COL27A1: variants seen among roughly 807,000 people sequenced by gnomAD.
COL27A1 encodes the protein collagen type XXVII alpha 1 chain.
COL27A1 carries 106 observed loss-of-function variants against 251.3 expected under a neutral mutation model. That is an observed-to-expected ratio of 0.42 (90% CI 0.36 to 0.50). The LOEUF (loss-of-function observed/expected upper bound fraction) is 0.50, where lower values mean the gene tolerates loss of function less well. COL27A1 is among the 20% of genes least tolerant of loss of function. COL27A1 has a pLI of 0.00. For synonymous variants in COL27A1, 1,000 were observed against 986.3 expected (o/e 1.01, Z -0.26); for missense variants, 2,325 against 2,522.8 (o/e 0.92, Z 1.68).
intron 10 of COL27A1, among the ~76,000 whole-genome samples, chr9:114,206,635 G>GTCGAATC (rs1405240228): frequency 6.6e-6 from 1 of 152,188 alleles, no homozygotes; most frequent in Non-Finnish European, 1.5e-5. Flanking sequence ...ATTGCCTGTC[G>GTCGAATC]TCGAATCTTC....
chr9:114,235,767 GC>G (rs1338280201), intron 17 of COL27A1, 115 bp downstream of exon 17: 4 of 780,820 alleles, frequency 5.1e-6, no homozygotes, highest in African/African-American at 5.1e-5. Context: ...TAAGACGGCT[GC>G]CCTCGAAATA....
chr9:114,222,709 T>C (rs1333200469), intron 14 of COL27A1, among the ~76,000 whole-genome samples: 2 of 151,996 alleles, frequency 1.3e-5, no homozygotes, highest in Admixed American at 6.5e-5. Context: ...GGGTGGTCTT[T>C]TGCACTCTTT....
At chr9:114,178,216 G>A in intron 3 of COL27A1, 75 bp from the exon 4 acceptor site, 1 of 1,281,926 alleles carries the variant, frequency 7.8e-7, no homozygotes, top group Non-Finnish European at 1.1e-6. Context: ...AGGCGGGATT[G>A]TTGAATGACT....
chr9:114,304,060 A>G (rs1467916597), intron 56 of COL27A1, among the ~76,000 whole-genome samples: 2 of 152,214 alleles, frequency 1.3e-5, no homozygotes, highest in African/African-American at 4.8e-5. Context: ...GCCTCTAACC[A>G]CCAGATACAA....
chr9:114,180,458 T>C lies in COL27A1; in HGVS notation c.1962+2114T>C, dbSNP rs534404285. On this transcript the variant is annotated intron_variant, in intron 4 of 60. Coordinates refer to ENST00000356083, the MANE Select transcript of COL27A1 (RefSeq NM_032888.4). ...TGGGTGAATGACTCTCCTGACACGC[T>C]TCTAGGCTCTTTGCCTGCACGCCAC... Among the ~76,000 whole-genome samples the C allele has an allele frequency of 3.0e-3, 454 of 152,306 alleles. 1 individual carries two copies. Among genetic ancestry groups the C allele is most frequent in the Non-Finnish European group, 2.6e-3 (176 of 68,034 alleles).
intron 4 of COL27A1, among the ~76,000 whole-genome samples, chr9:114,180,333 G>T (rs1446238064): frequency 6.6e-6 from 1 of 152,162 alleles, no homozygotes; most frequent in Non-Finnish European, 1.5e-5. Flanking sequence ...CCAAGAAGTT[G>T]TGGAATCTTA....
chr9:114,251,160 C>T (rs1243275479), intron 25 of COL27A1, among the ~76,000 whole-genome samples: 2 of 152,294 alleles, frequency 1.3e-5, no homozygotes, highest in Non-Finnish European at 1.5e-5. Flanking sequence ...CACTAAGACA[C>T]TCTGCCTCAT....
chr9:114,280,209 A>AT (rs112978442), intron 37 of COL27A1, among the ~76,000 whole-genome samples: 11,897 of 146,824 alleles, frequency 0.081, 580 homozygotes, highest in Non-Finnish European at 0.1. Context: ...TCAACTTTTA[A>AT]TTTTTTTTTT....
intron 21 of COL27A1, among the ~76,000 whole-genome samples, chr9:114,240,770 A>G (rs1832704597): frequency 6.6e-6 from 1 of 152,180 alleles, no homozygotes; most frequent in African/African-American, 2.4e-5. Flanking sequence ...AGAGCTACTG[A>G]CAATGCCGTG....
At chr9:114,294,247 C>T (rs80317685) in intron 49 of COL27A1, among the ~76,000 whole-genome samples, 1 of 84,288 alleles carries the variant, frequency 1.2e-5, no homozygotes. Context: ...GACTCTGTCT[C>T]AAAAAAAAAA....
chr9:114,218,083 G>T (rs10982113), intron 12 of COL27A1: 220,464 of 318,314 alleles, frequency 0.69, 79,575 homozygotes, highest in South Asian at 0.85. Flanking sequence ...CTTCAGCCTG[G>T]ATGACAGAGT....
chr9:114,208,197 G>T lies in COL27A1; in HGVS notation c.2269-1478G>T, dbSNP rs551628880. Among the ~76,000 whole-genome samples, 9 of 152,254 alleles carry T rather than the reference G, an allele frequency of 5.9e-5. No homozygotes were observed. The South Asian group carries it at 1.9e-3, about 32-fold the overall frequency. ...TCGTGCCTGTAATCCCAGCATTTTG[G>T]GAGGCCAAGGCGGGTGGATCACCTG... is the stretch of plus-strand genomic sequence containing the variant. On this transcript the variant is annotated intron_variant, in intron 10 of 60. Coordinates refer to ENST00000356083, the MANE Select transcript of COL27A1 (RefSeq NM_032888.4).
chr9:114,202,556 C>T (rs1259957852), intron 7 of COL27A1, among the ~76,000 whole-genome samples: 1 of 152,182 alleles, frequency 6.6e-6, no homozygotes, highest in Non-Finnish European at 1.5e-5. Flanking sequence ...TGTCGCGCTA[C>T]CTCCCTGCTC....
At position 114,256,257 on chromosome 9, in the gene COL27A1, C is replaced by T. The variant is rs536209156; in HGVS notation, c.3142-2284C>T. Among the ~76,000 whole-genome samples, 5 of 152,224 alleles carry T rather than the reference C, an allele frequency of 3.3e-5. No homozygotes were observed. The South Asian group carries it at 6.2e-4, about 19-fold the overall frequency. ...CTGTAATCCCAGCACTTTGGGAGGC[C>T]GAGGCTGGCGGATCACGAGGTCAGG... On this transcript the variant is annotated intron_variant, in intron 27 of 60. Transcript: ENST00000356083.
At chr9:114,215,529 G>T (rs754651484) in intron 12 of COL27A1, among the ~76,000 whole-genome samples, 1 of 152,150 alleles carries the variant, frequency 6.6e-6, no homozygotes, top group Non-Finnish European at 1.5e-5. Flanking sequence ...TGGATTTCAG[G>T]AGGGCAGGGT....
chr9:114,200,509 C>T (rs1462022239), intron 7 of COL27A1, among the ~76,000 whole-genome samples: 1 of 152,200 alleles, frequency 6.6e-6, no homozygotes, highest in Non-Finnish European at 1.5e-5. Flanking sequence ...GAATGAATAA[C>T]TGGATGAATG....
intron 6 of COL27A1, among the ~76,000 whole-genome samples, chr9:114,195,313 T>C (rs954959948): frequency 2.6e-5 from 4 of 152,158 alleles, no homozygotes; most frequent in African/African-American, 9.7e-5. Context: ...TTAGCACATA[T>C]TTACTGGGTG....
chr9:114,174,759 A>G (rs1348859249), intron 3 of COL27A1, among the ~76,000 whole-genome samples: 1 of 152,178 alleles, frequency 6.6e-6, no homozygotes, highest in Non-Finnish European at 1.5e-5. Context: ...GGTCATACAG[A>G]GCTGTACTGA....
chr9:114,289,474 C>G (rs1441637561), intron 45 of COL27A1, among the ~76,000 whole-genome samples, 179 bp downstream of exon 45: 3 of 152,176 alleles, frequency 2.0e-5, no homozygotes, highest in Non-Finnish European at 4.4e-5. Flanking sequence ...TTCAAATAGC[C>G]TGAGTGAGGA....
Sources: allele counts gnomAD v4.1 joint callset (sites outside exome capture counted in the v4.1 genomes callset), GRCh38; gene constraint gnomAD v4.1.1; transcripts MANE v1.5; gene names NCBI Gene and HGNC (gene_info 2026-07-23, HGNC 2026-07-21).